The following GLE1 variants were observed in gnomAD, a reference collection of about 807,000 sequenced individuals.
GLE1 encodes mRNA export factor GLE1.
A neutral mutation model predicts 97.3 loss-of-function variants in GLE1; 78 were observed. The ratio of observed to expected loss-of-function variants is 0.80; its 90% CI spans 0.67 to 0.97. GLE1 has a LOEUF of 0.97. Ranked by LOEUF, GLE1 falls within the 50% of genes least tolerant of loss-of-function variation. The probability of loss-of-function intolerance (pLI) is 0.00; values close to 1 mark genes in which losing one functional copy is unlikely to be tolerated. For missense variants in GLE1, 753 were observed against 857.5 expected, an observed-to-expected ratio of 0.88 and a Z score of 1.52; for synonymous variants, 302 against 313.4, an observed-to-expected ratio of 0.96 and a Z score of 0.39.
chr9:128,525,156 A>G (rs1847264882), intron 6 of GLE1, 36 bp from the exon 7 acceptor site: 3 of 1,470,920 alleles, frequency 2.0e-6, no homozygotes, highest in Admixed American at 3.3e-5. Flanking sequence ...TTACCTAGGG[A>G]ATGACCACTA....
At chr9:128,521,006 C>T (rs1183382451) in intron 3 of GLE1, among the ~76,000 whole-genome samples, 3 of 152,078 alleles carry the variant, frequency 2.0e-5, no homozygotes, top group South Asian at 2.1e-4. Flanking sequence ...AAGTGATCCT[C>T]CCACTTTGGC....
In GLE1 at chr9:128,539,646, C is replaced by A; in HGVS notation, c.1912C>A (p.Gln638Lys). The A allele has an allele frequency of 6.2e-7, 1 of 1,611,808 alleles. No homozygotes were observed. Among genetic ancestry groups the A allele is most frequent in the South Asian group, 1.1e-5 (1 of 91,040 alleles). ...VCGNALMKQY[Q>K]VQFWKMLILI... ...TGGGAATGCCCTCATGAAGCAATAC[C>A]AGGTTCAGTTCTGGAAGATGCTAAT... Residue 638 changes from glutamine (Q) to lysine (K), a missense_variant, in exon 14 of 16, where the codon CAG becomes AAG. By Grantham distance (53) the Gln-to-Lys change is moderately conservative (BLOSUM62 1). Transcript: ENST00000309971.
intron 7 of GLE1, among the ~76,000 whole-genome samples, chr9:128,525,800 C>T (rs1030924571): frequency 3.9e-5 from 6 of 152,032 alleles, no homozygotes; most frequent in Non-Finnish European, 8.8e-5. Context: ...GTGGCACGCA[C>T]CTGTAGTCCC....
At chr9:128,526,437 A>T (rs1225528689) in intron 7 of GLE1, among the ~76,000 whole-genome samples, 3 of 150,368 alleles carry the variant, frequency 2.0e-5, no homozygotes, top group Non-Finnish European at 3.0e-5. Context: ...GCTCACTACA[A>T]CCTCCGCCTC....
chr9:128,539,514 T>C (rs1847825167), intron 13 of GLE1, 102 bp from the exon 14 acceptor site: 2 of 955,982 alleles, frequency 2.1e-6, no homozygotes, highest in Non-Finnish European at 1.7e-6. Flanking sequence ...GTTGAAATTT[T>C]TGATAGGTGT....
At chr9:128,540,531 T>TCTCA (rs1258044241) in intron 15 of GLE1, 193 bp downstream of exon 15, 9 of 616,844 alleles carry the variant, frequency 1.5e-5, no homozygotes, top group Non-Finnish European at 2.6e-5. Context: ...ATATGTATCA[T>TCTCA]TCTCTATACT....
chr9:128,534,666 CAA>C (rs1313073790), intron 11 of GLE1, among the ~76,000 whole-genome samples: 1 of 151,960 alleles, frequency 6.6e-6, no homozygotes, highest in Non-Finnish European at 1.5e-5. Context: ...GCTTGGTAAA[CAA>C]AGTATTCTAC....
chr9:128,510,468 C>T (rs1564142757), intron 2 of GLE1, among the ~76,000 whole-genome samples: 1 of 149,986 alleles, frequency 6.7e-6, no homozygotes, highest in Non-Finnish European at 1.5e-5. Context: ...ACCTTATGAT[C>T]TGCCCACCTC....
chr9:128,505,278 C>T (rs975171886), intron 1 of GLE1, among the ~76,000 whole-genome samples: 1 of 152,174 alleles, frequency 6.6e-6, no homozygotes, highest in Admixed American at 6.5e-5. Flanking sequence ...ACGACCTAAT[C>T]CATTGCTACT....
Position 128,541,293 on chromosome 9 carries a change from T to C in GLE1, c.*123T>C. The stretch of plus-strand genomic sequence containing the variant: ...ATTTGCCATTATGTATTTTTATGTA[T>C]TTATGCCTTGTGACTAGGAGAGGAG... On this transcript the variant is annotated 3_prime_UTR_variant, in exon 16 of 16. Coordinates refer to ENST00000309971, the MANE Select transcript of GLE1 (RefSeq NM_001003722.2). The C allele has an allele frequency of 1.3e-6, 1 of 741,594 alleles. No homozygotes were observed. 45.9% of individuals were successfully genotyped at this position (741,594 alleles called of 1,614,324 possible). A position where few individuals can be genotyped will look rare whatever the true frequency, so the allele number is the denominator to read the frequency against.
intron 3 of GLE1, among the ~76,000 whole-genome samples, chr9:128,516,182 T>A (rs1846980517): frequency 6.6e-6 from 1 of 152,214 alleles, no homozygotes; most frequent in South Asian, 2.1e-4. Context: ...GGTCTCGAAC[T>A]CCTGACCTCA....
At chr9:128,508,551 T>G (rs1589040611) in intron 1 of GLE1, among the ~76,000 whole-genome samples, 4 of 152,252 alleles carry the variant, frequency 2.6e-5, no homozygotes, top group African/African-American at 9.6e-5. Flanking sequence ...TTCTACTGAT[T>G]GTGTATACAG....
intron 3 of GLE1, among the ~76,000 whole-genome samples, chr9:128,520,408 ATG>A (rs1244698551): frequency 6.8e-6 from 1 of 147,974 alleles, no homozygotes; most frequent in Non-Finnish European, 1.5e-5. Context: ...GTGTGTATAT[ATG>A]TATATATATG....
intron 9 of GLE1, among the ~76,000 whole-genome samples, chr9:128,530,627 G>A (rs1847465632): frequency 6.6e-6 from 1 of 151,978 alleles, no homozygotes; most frequent in African/African-American, 2.4e-5. Flanking sequence ...TTAAAAAGGT[G>A]GGCCGGGCGC....
intron 3 of GLE1, among the ~76,000 whole-genome samples, chr9:128,517,320 C>T (rs1267685381): frequency 6.6e-6 from 1 of 152,002 alleles, no homozygotes. Context: ...AAATGAAAGT[C>T]TTCTAACATC....
intron 9 of GLE1, among the ~76,000 whole-genome samples, chr9:128,532,892 A>G (rs1271569002): frequency 6.6e-6 from 1 of 152,226 alleles, no homozygotes. Flanking sequence ...GAAGAAGGCA[A>G]GTCCTGAGAA....
chr9:128,516,283 G>A (rs897924325), intron 3 of GLE1, among the ~76,000 whole-genome samples: 4 of 151,140 alleles, frequency 2.6e-5, no homozygotes, highest in African/African-American at 9.7e-5. Context: ...TGAAAAAATA[G>A]CAGCACTATT....
intron 14 of GLE1, 94 bp downstream of exon 14, chr9:128,539,792 A>C: frequency 6.2e-7 from 1 of 1,603,308 alleles, no homozygotes; most frequent in Non-Finnish European, 8.5e-7. Flanking sequence ...GTTTTGATTC[A>C]AGTTAAAAAC....
intron 13 of GLE1, 43 bp from the exon 14 acceptor site, chr9:128,539,572 GA>G (rs1450537913): frequency 1.3e-6 from 2 of 1,566,034 alleles, no homozygotes; most frequent in African/African-American, 2.7e-5. Context: ...CTGTGAGTGT[GA>G]ATTTTCATTT....
Sources: gnomAD v4.1 joint callset for allele counts (sites outside exome capture counted in the v4.1 genomes callset) on GRCh38, gnomAD v4.1.1 for gene constraint, MANE v1.5 for transcripts, NCBI Gene and HGNC (gene_info 2026-07-23, HGNC 2026-07-21) for gene names.